The following ANK2 variants were observed in gnomAD, a reference collection of about 807,000 sequenced individuals.
ANK2 encodes ankyrin-2.
In ANK2, 83 loss-of-function variants were observed where a neutral mutation model predicts 360.5. The observed-to-expected ratio is 0.23, with a 90% CI of 0.19 to 0.28. ANK2 has a LOEUF of 0.28. Ranked by LOEUF, ANK2 falls within the 10% of genes least tolerant of loss-of-function variation. The pLI is 1.00. For missense variants in ANK2, 4,201 were observed against 4,795.7 expected (o/e 0.88, Z 3.66); for synonymous variants, 1,740 against 1,759.5 (o/e 0.99, Z 0.28).
intron 2 of ANK2, among the ~76,000 whole-genome samples, chr4:112,938,531 A>G (rs1057150924): frequency 2.0e-5 from 3 of 152,172 alleles, no homozygotes; most frequent in African/African-American, 7.2e-5. Flanking sequence ...TTTTCCCCAA[A>G]ATGATATATT....
chr4:112,726,851 CAA>C, the ANK2 span, among the ~76,000 whole-genome samples: 8 of 69,386 alleles, frequency 1.2e-4, no homozygotes, highest in Admixed American at 3.2e-4. Flanking sequence ...GACTCTGTCT[CAA>C]AAAAAAAAAA....
chr4:112,801,711 A>G, the ANK2 span, among the ~76,000 whole-genome samples: 1 of 152,174 alleles, frequency 6.6e-6, no homozygotes. Flanking sequence ...TAGGAAAATA[A>G]AAAAAGATGA....
intron 2 of ANK2, among the ~76,000 whole-genome samples, chr4:112,959,005 C>T (rs1452376747): frequency 6.6e-6 from 1 of 151,994 alleles, no homozygotes; most frequent in East Asian, 1.9e-4. Context: ...CCCGCCACCA[C>T]GCCCGGCTGA....
chr4:113,374,909 C>A, intron 45 of ANK2: 1 of 1,235,286 alleles, frequency 8.1e-7, no homozygotes, highest in Non-Finnish European at 1.0e-6. Flanking sequence ...TCTAGTTTAG[C>A]CACTGATCTT....
At chr4:113,009,631 G>T (rs1421908226) in intron 2 of ANK2, among the ~76,000 whole-genome samples, 1 of 152,024 alleles carries the variant, frequency 6.6e-6, no homozygotes, top group Non-Finnish European at 1.5e-5. Flanking sequence ...AGAGACTTCA[G>T]CTGGGTCAGA....
At chr4:112,810,157 ATATTTTTTTTTTTTTT>A in the ANK2 span, among the ~76,000 whole-genome samples, 1 of 23,692 alleles carries the variant, frequency 4.2e-5, no homozygotes, top group Non-Finnish European at 6.7e-5. Flanking sequence ...ATATATATAT[ATATTTTTTTTTTTTTT>A]TTTTTTTTTG....
At chr4:113,363,221 G>A (rs2096328231) in intron 39 of ANK2, 117 bp from the exon 40 acceptor site, 1 of 1,002,886 alleles carries the variant, frequency 1.0e-6, no homozygotes, top group South Asian at 1.4e-5. Flanking sequence ...TAGAAATTAA[G>A]GAACTCAAAT....
intron 1 of ANK2, among the ~76,000 whole-genome samples, chr4:112,878,817 A>T (rs1368589095): frequency 6.6e-6 from 1 of 151,362 alleles, no homozygotes; most frequent in Non-Finnish European, 1.5e-5. Flanking sequence ...TTGTATTTTT[A>T]GTAGAGACGG....
rs531446164 is a variant in ANK2, at chr4:113,079,400, G to A, written c.84+29588G>A. On this transcript the variant is annotated intron_variant, in intron 1 of 45. Transcript: ENST00000357077. The stretch of plus-strand genomic sequence containing the variant: ...TGAGGCTGTGTTTGAGGTTGTCCCC[G>A]TAGGTACTCATTCAGATAGAATTGC... 2.4e-4 allele frequency among the ~76,000 whole-genome samples: 36 copies of A among 152,264 alleles called. 2 individuals are homozygous for A. The South Asian group carries it at 7.1e-3, about 30-fold the overall frequency.
At chr4:113,085,989 A>C (rs2084554026) in intron 1 of ANK2, among the ~76,000 whole-genome samples, 1 of 152,206 alleles carries the variant, frequency 6.6e-6, no homozygotes, top group Admixed American at 6.5e-5. Flanking sequence ...TTTTAACTTC[A>C]AGTCCCCATA....
At chr4:113,098,802 C>T (rs9996202) in intron 1 of ANK2, among the ~76,000 whole-genome samples, 42,775 of 151,688 alleles carry the variant, frequency 0.28, 6,835 homozygotes, top group African/African-American at 0.43. Flanking sequence ...ATTTATATAC[C>T]ATTATCAAGT....
intron 2 of ANK2, among the ~76,000 whole-genome samples, chr4:113,014,341 G>GC (rs2055801513): frequency 6.6e-6 from 1 of 152,180 alleles, no homozygotes; most frequent in African/African-American, 2.4e-5. Flanking sequence ...ACTCACTTAA[G>GC]CTTTATGATA....
the ANK2 span, among the ~76,000 whole-genome samples, chr4:112,712,699 G>A: frequency 3.9e-5 from 6 of 151,976 alleles, no homozygotes; most frequent in South Asian, 2.1e-4. Context: ...GAGCCACTGC[G>A]CCCGGCCAAG....
the ANK2 span, among the ~76,000 whole-genome samples, chr4:112,750,319 C>G: frequency 2.6e-5 from 4 of 151,996 alleles, no homozygotes; most frequent in Non-Finnish European, 5.9e-5. Context: ...CAAGATCGCC[C>G]CGCTGCACTC....
rs77360361 is a variant in ANK2 at position 113,213,885 on chromosome 4, A to C, written c.384+14776A>C. Reference sequence around the variant, plus strand: ...TTGACATTGCAATCAATCCCTAGCCAGTGCAATGAAAAGAGAAAGAGAACT... The same window carrying C: ...TTGACATTGCAATCAATCCCTAGCCCGTGCAATGAAAAGAGAAAGAGAACT... On this transcript the variant is annotated intron_variant, in intron 4 of 45. Coordinates refer to ENST00000357077, the MANE Select transcript of ANK2 (RefSeq NM_001148.6). Among the ~76,000 whole-genome samples, 223 of 152,272 alleles carry C rather than the reference A, an allele frequency of 1.5e-3. 2 individuals are homozygous for C. Among genetic ancestry groups the C allele is most frequent in the African/African-American group, 5.2e-3 (215 of 41,568 alleles).
intron 1 of ANK2, among the ~76,000 whole-genome samples, chr4:113,132,946 T>C (rs997062257): frequency 2.0e-5 from 3 of 152,186 alleles, no homozygotes; most frequent in African/African-American, 7.2e-5. Context: ...GCTGTACTAT[T>C]ATTATACTTA....
At chr4:112,811,852 G>A in the ANK2 span, among the ~76,000 whole-genome samples, 1 of 152,094 alleles carries the variant, frequency 6.6e-6, no homozygotes, top group African/African-American at 2.4e-5. Flanking sequence ...CGAGACGGGC[G>A]ATCACGAGGT....
chr4:112,790,484 CT>C, the ANK2 span, among the ~76,000 whole-genome samples: 5,224 of 113,672 alleles, frequency 0.046, 270 homozygotes, highest in African/African-American at 0.17. Flanking sequence ...CTTTTCTTTT[CT>C]TTTTTTTTTT....
chr4:113,245,337 A>T (rs901205658), intron 9 of ANK2, among the ~76,000 whole-genome samples: 3 of 152,214 alleles, frequency 2.0e-5, no homozygotes, highest in African/African-American at 7.2e-5. Context: ...TTTGAAATGT[A>T]TTCAAAAATA....
Sources: gnomAD v4.1 joint callset for allele counts (sites outside exome capture counted in the v4.1 genomes callset) on GRCh38, gnomAD v4.1.1 for gene constraint, MANE v1.5 for transcripts, NCBI Gene and HGNC (gene_info 2026-07-23, HGNC 2026-07-21) for gene names.